Variants in PPP3CC observed in about 807,000 individuals in gnomAD.
The protein encoded by PPP3CC is serine/threonine-protein phosphatase 2B catalytic subunit gamma isoform.
A neutral mutation model predicts 60.3 loss-of-function variants in PPP3CC; 35 were observed. That is an observed-to-expected ratio of 0.58 (90% CI 0.44 to 0.77). The LOEUF is 0.77. PPP3CC is among the 30% of genes least tolerant of loss of function. PPP3CC has a pLI of 0.00. For missense variants in PPP3CC, 570 were observed against 628.9 expected, an observed-to-expected ratio of 0.91 and a Z score of 1.00; for synonymous variants, 206 against 224.3, an observed-to-expected ratio of 0.92 and a Z score of 0.73.
intron 6 of PPP3CC, among the ~76,000 whole-genome samples, chr8:22,516,561 A>G (rs1075534): frequency 0.48 from 73,329 of 152,036 alleles, 17,823 homozygotes; most frequent in East Asian, 0.6. Context: ...CAGTACTTAC[A>G]GAGGTTTCAT....
Position 22,497,159 on chromosome 8 carries a change from A to T in PPP3CC, c.373-842A>T, listed in dbSNP as rs1053559421. On this transcript the variant is annotated intron_variant, in intron 3 of 13. Coordinates refer to ENST00000240139, the MANE Select transcript of PPP3CC (RefSeq NM_005605.5). ...ATTCTCATGCCTCAGCCTCCCGAGTAGCTGGGGTTACAGGCATGTGCCACC... is the reference window on the plus strand; with the variant it reads ...ATTCTCATGCCTCAGCCTCCCGAGTTGCTGGGGTTACAGGCATGTGCCACC... Among the ~76,000 whole-genome samples the T allele has an allele frequency of 8.1e-4, 123 of 152,236 alleles. 1 individual carries two copies. Among genetic ancestry groups the T allele is most frequent in the African/African-American group, 2.8e-3 (115 of 41,546 alleles).
chr8:22,441,443 G>A lies in PPP3CC; in HGVS notation c.34G>A (p.Asp12Asn), dbSNP rs750859445. 2 of 1,546,474 alleles carry A rather than the reference G, an allele frequency of 1.3e-6. No homozygotes were observed. Among genetic ancestry groups the A allele is most frequent in the East Asian group, 2.5e-5 (1 of 40,666 alleles). Residue 12 changes from aspartate (D) to asparagine (N), a missense_variant, in exon 1 of 14, where the codon GAC becomes AAC. Physicochemically the swap from Asp to Asn is conservative, Grantham distance 23. Coordinates refer to ENST00000240139, the MANE Select transcript of PPP3CC (RefSeq NM_005605.5). ...GAGGCGCTTCCACCTCTCCACCACC[G>A]ACCGCGTCATCAAAGGTGCCTGGCG... Reference protein sequence around the residue: ...SGRRFHLSTTDRVIKAVPFPP... With the variant: ...SGRRFHLSTTNRVIKAVPFPP...
chr8:22,467,192 TAAAA>T (rs369400896), intron 1 of PPP3CC, among the ~76,000 whole-genome samples: 3 of 151,704 alleles, frequency 2.0e-5, no homozygotes, highest in Admixed American at 6.6e-5. Flanking sequence ...TAGGAGAAAA[TAAAA>T]AAAAATTTAT....
At chr8:22,465,885 C>T (rs1032610963) in intron 1 of PPP3CC, among the ~76,000 whole-genome samples, 1 of 152,030 alleles carries the variant, frequency 6.6e-6, no homozygotes, top group Non-Finnish European at 1.5e-5. Context: ...ATGTGCTCAA[C>T]ATGCAGGTTT....
rs761053712 is a variant in PPP3CC at position 22,532,933 on chromosome 8, G to C, written c.1236G>C (p.Glu412Asp). 1 of 1,594,894 alleles carries C rather than the reference G, an allele frequency of 6.3e-7. No homozygotes were observed. The highest frequency in any genetic ancestry group is 8.5e-7 in the Non-Finnish European group (1 of 1,169,932). ...RVFSILRQES[E>D]SVLTLKGLTP... ...TCTCCCTTTGCAGGCAAGAAAGTGAGAGTGTGCTGACTCTCAAGGGCCTGA... is the reference window on the plus strand; with the variant it reads ...TCTCCCTTTGCAGGCAAGAAAGTGACAGTGTGCTGACTCTCAAGGGCCTGA... The change falls in exon 12 of 14, where the codon GAG (glutamate) becomes GAC (aspartate). Residue 412 changes from glutamate (E) to aspartate (D), a missense_variant. Transcript: ENST00000240139.
At chr8:22,442,234 C>T (rs896374) in intron 1 of PPP3CC, among the ~76,000 whole-genome samples, 1 of 152,120 alleles carries the variant, frequency 6.6e-6, no homozygotes, top group Non-Finnish European at 1.5e-5. Context: ...TTTATTCAGC[C>T]GTAAGTCTTA....
In PPP3CC at chr8:22,506,752, G is replaced by A. The variant is rs369167890; in HGVS notation, c.485-4334G>A. On this transcript the variant is annotated intron_variant, in intron 4 of 13. Transcript: ENST00000240139. ...GCCAGGAGATTGAGACCATCCTGGC[G>A]AACACAGTGAAACCCCGTCTCTACT... 9.9e-5 allele frequency among the ~76,000 whole-genome samples: 15 copies of A among 150,928 alleles called. No homozygotes were observed. The South Asian group carries it at 1.3e-3, about 13-fold the overall frequency.
Position 22,534,975 on chromosome 8 carries a change from G to A in PPP3CC, c.1321+1957G>A, listed in dbSNP as rs551248475. Among the ~76,000 whole-genome samples the A allele has an allele frequency of 1.5e-4, 23 of 152,302 alleles. No homozygotes were observed. The South Asian group carries it at 4.6e-3, about 30-fold the overall frequency. ...CTGGTGGGAGAATATTGTCCCAGAA[G>A]GGCACAGGGAACATCTAGAGTGTTA... On this transcript the variant is annotated intron_variant, in intron 12 of 13. Coordinates refer to ENST00000240139, the MANE Select transcript of PPP3CC (RefSeq NM_005605.5).
intron 6 of PPP3CC, among the ~76,000 whole-genome samples, chr8:22,514,363 C>T (rs1381976309): frequency 6.6e-6 from 1 of 150,902 alleles, no homozygotes; most frequent in Non-Finnish European, 1.5e-5. Context: ...CCCTAAAAAT[C>T]TCTGTTAATT....
At chr8:22,508,791 A>C (rs1364595376) in intron 4 of PPP3CC, among the ~76,000 whole-genome samples, 2 of 152,216 alleles carry the variant, frequency 1.3e-5, no homozygotes, top group African/African-American at 4.8e-5. Flanking sequence ...CACAAATTAA[A>C]GAGTTTTCTG....
At chr8:22,459,401 TTAGAG>T (rs1458568137) in intron 1 of PPP3CC, among the ~76,000 whole-genome samples, 2 of 152,186 alleles carry the variant, frequency 1.3e-5, no homozygotes, top group Non-Finnish European at 2.9e-5. Context: ...GTATGTAAGA[TTAGAG>T]TAGATTCATG....
intron 9 of PPP3CC, among the ~76,000 whole-genome samples, 197 bp downstream of exon 9, chr8:22,527,714 C>A (rs1290760825): frequency 6.6e-6 from 1 of 151,686 alleles, no homozygotes; most frequent in African/African-American, 2.4e-5. Flanking sequence ...CAGCTAACTA[C>A]AACCTCCGCC....
At chr8:22,475,988 G>A (rs943845709) in intron 3 of PPP3CC, among the ~76,000 whole-genome samples, 2 of 152,134 alleles carry the variant, frequency 1.3e-5, no homozygotes, top group Non-Finnish European at 1.5e-5. Context: ...AAGCTGCTGA[G>A]CTACAATTAA....
intron 6 of PPP3CC, among the ~76,000 whole-genome samples, chr8:22,516,002 C>T (rs930185098): frequency 6.6e-6 from 1 of 151,606 alleles, no homozygotes; most frequent in Non-Finnish European, 1.5e-5. Flanking sequence ...GCAGTGGCAC[C>T]ATAACAGCTC....
intron 3 of PPP3CC, among the ~76,000 whole-genome samples, chr8:22,476,810 T>C (rs1362125001): frequency 6.6e-6 from 1 of 151,788 alleles, no homozygotes; most frequent in Admixed American, 6.6e-5. Context: ...CAGGCACCTG[T>C]AGTCCCAGCT....
chr8:22,470,485 T>G (rs1246981031), intron 1 of PPP3CC, among the ~76,000 whole-genome samples: 2 of 152,076 alleles, frequency 1.3e-5, no homozygotes, highest in African/African-American at 4.8e-5. Context: ...TTTACATAAA[T>G]AAAGATCATT....
chr8:22,450,797 ATTTTTATTTATT>A (rs1051425403), intron 1 of PPP3CC, among the ~76,000 whole-genome samples: 8 of 142,302 alleles, frequency 5.6e-5, no homozygotes, highest in Non-Finnish European at 1.1e-4. Context: ...AACCTACTTT[ATTTTTATTTATT>A]TATTTATTTA....
intron 6 of PPP3CC, among the ~76,000 whole-genome samples, chr8:22,517,157 A>G (rs1839267736): frequency 6.6e-6 from 1 of 152,164 alleles, no homozygotes; most frequent in Non-Finnish European, 1.5e-5. Context: ...CCCAGCACAC[A>G]TGTTCCCAGC....
In PPP3CC at chr8:22,488,561, A is replaced by G. The variant is rs542037947; in HGVS notation, c.373-9440A>G. ...ACAACAAAGAATGAATGATTCTCAG[A>G]TTGTCAACAGTGCCTGTGTTAGATT... On this transcript the variant is annotated intron_variant, in intron 3 of 13. Transcript: ENST00000240139. Among the ~76,000 whole-genome samples the G allele has an allele frequency of 2.0e-5, 3 of 152,356 alleles. No individual in the cohort carries two copies. The South Asian group carries it at 6.2e-4, about 32-fold the overall frequency.
Sources: allele counts gnomAD v4.1 joint callset (sites outside exome capture counted in the v4.1 genomes callset), GRCh38; gene constraint gnomAD v4.1.1; transcripts MANE v1.5; gene names NCBI Gene and HGNC (gene_info 2026-07-23, HGNC 2026-07-21).